The following PLAGL1 variants were observed in gnomAD, a reference collection of about 807,000 sequenced individuals.
The protein encoded by PLAGL1 is zinc finger protein PLAGL1.
In PLAGL1, 1 loss-of-function variant was observed where a neutral mutation model predicts 4.6. The ratio of observed to expected loss-of-function variants is 0.22; its 90% CI spans 0.08 to 1.03. PLAGL1 has a LOEUF of 1.03. Ranked by LOEUF, PLAGL1 falls within the 50% of genes least tolerant of loss-of-function variation. The pLI is 0.58. For synonymous variants in PLAGL1, 240 were observed against 237.8 expected, an observed-to-expected ratio of 1.01 and a Z score of -0.08; for missense variants, 464 against 570.4, an observed-to-expected ratio of 0.81 and a Z score of 1.90.
Position 144,004,661 on chromosome 6 carries a change from G to T in PLAGL1, c.-584+3429C>A, listed in dbSNP as rs182818574. The stretch of plus-strand genomic sequence containing the variant: ...GTTTATCTGGGTAGTAATCACAAAG[G>T]TATACACATATGTAAATTTCACCAA... On this transcript the variant is annotated intron_variant, in intron 1 of 7. Transcript: ENST00000674357. The surrounding 1 kb of genome is among the most constrained non-coding windows in gnomAD (Gnocchi z 4.2). 6.4e-4 allele frequency among the ~76,000 whole-genome samples: 97 copies of T among 152,108 alleles called. No homozygotes were observed. The highest frequency in any genetic ancestry group is 6.3e-3 in the Admixed American group (96 of 15,266).
chr6:144,051,495 T>G (rs551963277), intron 1 of PLAGL1, among the ~76,000 whole-genome samples: 2 of 152,368 alleles, frequency 1.3e-5, no homozygotes, highest in South Asian at 4.1e-4. Context: ...TCTTATTGGA[T>G]GCCCTTTAAA....
At chr6:143,974,910 G>A (rs770702350) in intron 2 of PLAGL1, among the ~76,000 whole-genome samples, 1 of 152,110 alleles carries the variant, frequency 6.6e-6, no homozygotes, top group Non-Finnish European at 1.5e-5. Context: ...ACTACTGAAA[G>A]AAAGTCTTTG....
Position 144,053,195 on chromosome 6 carries a change from C to T in PLAGL1, c.-151+11273G>A, listed in dbSNP as rs541107161. ...TGTCGCCCAGGCTGGAGTGCAGTGGCGCAATTTTGGCTTACTGCAACCTCT... is the reference window on the plus strand; with the variant it reads ...TGTCGCCCAGGCTGGAGTGCAGTGGTGCAATTTTGGCTTACTGCAACCTCT... On this transcript the variant is annotated intron_variant, in intron 1 of 3. Transcript: ENST00000437412. The surrounding 1 kb of genome is among the most constrained non-coding windows in gnomAD (Gnocchi z 4.0). 8.5e-5 allele frequency among the ~76,000 whole-genome samples: 13 copies of T among 152,242 alleles called. No homozygotes were observed. Among genetic ancestry groups the T allele is most frequent in the African/African-American group, 2.2e-4 (9 of 41,546 alleles).
At chr6:144,007,946 G>A (rs1045715750) in intron 1 of PLAGL1, 144 bp downstream of exon 1, 1 of 151,914 alleles carries the variant, frequency 6.6e-6, no homozygotes, top group African/African-American at 2.4e-5. Context: ...CGGCCCCGCG[G>A]AGCCCGGACC....
At position 143,940,752 on chromosome 6, in the gene PLAGL1, T is replaced by G. The variant is rs1041533397; in HGVS notation, c.*672A>C. The stretch of plus-strand genomic sequence containing the variant: ...TGATTTTTTTTTTTTTTCTGTCAGA[T>G]GTAACTGACAACCAGTTTAGTCTTT... On this transcript the variant is annotated 3_prime_UTR_variant, in exon 8 of 8. Transcript: ENST00000674357. The G allele has an allele frequency of 2.0e-5, 3 of 151,392 alleles. No homozygotes were observed. Among genetic ancestry groups the G allele is most frequent in the Admixed American group, 1.3e-4 (2 of 15,108 alleles). The allele number at this position is 151,392 out of a possible 1,614,324, so 9.4% of individuals were successfully genotyped here.
chr6:144,041,472 G>T (rs531769384), intron 1 of PLAGL1, among the ~76,000 whole-genome samples: 98 of 152,140 alleles, frequency 6.4e-4, no homozygotes, highest in Non-Finnish European at 1.1e-3. Flanking sequence ...TCAGAATGAT[G>T]GTTTCCAGCT....
In PLAGL1 at chr6:144,016,870, TCTG is replaced by T. The variant is rs1470125571; in HGVS notation, c.-151+47595_-151+47597del. ...CAGCAATTTGAATTAGAATTGACCT[TCTG>T]CTGTTTTTTTTGTTGTGAGCTTTTT... On this transcript the variant is annotated intron_variant, in intron 1 of 3. Transcript: ENST00000437412. This position sits in a 1 kb window ranked among gnomAD's most constrained non-coding sequence, Gnocchi z 4.2. Among the ~76,000 whole-genome samples, 2 of 152,210 alleles carry T rather than the reference TCTG, an allele frequency of 1.3e-5. No homozygotes were observed. The highest frequency in any genetic ancestry group is 1.5e-5 in the Non-Finnish European group (1 of 68,034).
intron 1 of PLAGL1, among the ~76,000 whole-genome samples, chr6:144,057,010 T>C (rs1691089399): frequency 1.3e-5 from 2 of 152,170 alleles, no homozygotes; most frequent in Non-Finnish European, 2.9e-5. Context: ...TGTTAATCCA[T>C]TCACCTACTG....
chr6:143,959,546 G>T lies in PLAGL1; in HGVS notation c.-325+923C>A, dbSNP rs1782901647. Among the ~76,000 whole-genome samples, 2 of 151,990 alleles carry T rather than the reference G, an allele frequency of 1.3e-5. No homozygotes were observed. The highest frequency in any genetic ancestry group is 4.8e-5 in the African/African-American group (2 of 41,414). ...AATCCAAATATTTAGTGACAATATT[G>T]TATTTCAGTAGGAGTCGGAATACTA... On this transcript the variant is annotated intron_variant, in intron 6 of 7. Coordinates refer to ENST00000674357, the MANE Select transcript of PLAGL1 (RefSeq NM_001317162.2). The surrounding 1 kb of genome is among the most constrained non-coding windows in gnomAD (Gnocchi z 5.3).
rs923322749 is a variant in PLAGL1 at position 143,982,961 on chromosome 6, G to C, written c.-544+2174C>G. Among the ~76,000 whole-genome samples the C allele has an allele frequency of 2.6e-5, 4 of 152,178 alleles. No individual in the cohort carries two copies. The East Asian group carries it at 5.8e-4, about 22-fold the overall frequency. On this transcript the variant is annotated intron_variant, in intron 2 of 7. Transcript: ENST00000674357. This position sits in a 1 kb window ranked among gnomAD's most constrained non-coding sequence, Gnocchi z 5.3. ...AGAGGTCCATACTGGAGACAATTTAGTAGCTGCCAGCATATATGTATTTAA... is the reference window on the plus strand; with the variant it reads ...AGAGGTCCATACTGGAGACAATTTACTAGCTGCCAGCATATATGTATTTAA...
intron 1 of PLAGL1, among the ~76,000 whole-genome samples, chr6:144,054,773 A>AAG (rs1463484502): frequency 3.8e-4 from 39 of 103,844 alleles, no homozygotes; most frequent in African/African-American, 1.5e-3. Context: ...AAAACTAAAA[A>AAG]AGAGTGTGTG....
chr6:143,966,984 A>T lies in PLAGL1; in HGVS notation c.-471-786T>A, dbSNP rs1345131744. ...ATGCAGCATGCATACTCTACTTAAT[A>T]CTAGGTTGTGTTCCTACAGTTAGTT... On this transcript the variant is annotated intron_variant, in intron 3 of 7. Coordinates refer to ENST00000674357, the MANE Select transcript of PLAGL1 (RefSeq NM_001317162.2). This position sits in a 1 kb window ranked among gnomAD's most constrained non-coding sequence, Gnocchi z 6.0. 2 of 152,208 alleles carry T rather than the reference A, an allele frequency of 1.3e-5. No homozygotes were observed. The highest frequency in any genetic ancestry group is 4.1e-4 in the South Asian group (2 of 4,832). 9.4% of individuals were successfully genotyped at this position (152,208 alleles called of 1,614,324 possible).
intron 1 of PLAGL1, among the ~76,000 whole-genome samples, chr6:144,025,021 C>G (rs1019222595): frequency 1.3e-5 from 2 of 152,248 alleles, no homozygotes; most frequent in Admixed American, 1.3e-4. Context: ...CATGTACAGC[C>G]CTCCTTCCAA....
chr6:143,998,903 G>T (rs76974282), intron 1 of PLAGL1, among the ~76,000 whole-genome samples: 1 of 152,024 alleles, frequency 6.6e-6, no homozygotes, highest in Non-Finnish European at 1.5e-5. Context: ...TTGAGAAATC[G>T]GAGAAGGCCA....
rs193216247 is a variant in PLAGL1 at position 143,954,158 on chromosome 6, G to C, written c.-324-5698C>G. 7.2e-4 allele frequency among the ~76,000 whole-genome samples: 110 copies of C among 152,230 alleles called. 2 individuals are homozygous for C. Among genetic ancestry groups the C allele is most frequent in the East Asian group, 3.9e-4 (2 of 5,168 alleles). On this transcript the variant is annotated intron_variant, in intron 6 of 7. Transcript: ENST00000674357. The surrounding 1 kb of genome is among the most constrained non-coding windows in gnomAD (Gnocchi z 5.1). ...CCACCTTACCCTATACAAGGCCCCA[G>C]CTGACAAGCCCCACCTAAGTATACA...
rs1014967581 is a variant in PLAGL1 at position 144,039,372 on chromosome 6, G to T, written c.-151+25096C>A. 3.3e-5 allele frequency among the ~76,000 whole-genome samples: 5 copies of T among 152,068 alleles called. No individual in the cohort carries two copies. The highest frequency in any genetic ancestry group is 1.2e-4 in the African/African-American group (5 of 41,392). On this transcript the variant is annotated intron_variant, in intron 1 of 3. Coordinates refer to the PLAGL1 transcript ENST00000437412. The surrounding 1 kb of genome is among the most constrained non-coding windows in gnomAD (Gnocchi z 4.1). ...GGCAGAAGTGGGTGGATCATTAGAGGCCCAAAGTTTGAAACCAGTCTGGCC... is the reference window on the plus strand; with the variant it reads ...GGCAGAAGTGGGTGGATCATTAGAGTCCCAAAGTTTGAAACCAGTCTGGCC...
rs868237056 is a variant in PLAGL1 at position 143,950,135 on chromosome 6, G to A, written c.-324-1675C>T. On this transcript the variant is annotated intron_variant, in intron 6 of 7. Coordinates refer to ENST00000674357, the MANE Select transcript of PLAGL1 (RefSeq NM_001317162.2). The surrounding 1 kb of genome is among the most constrained non-coding windows in gnomAD (Gnocchi z 6.3). ...CACTTGGAAACGTGAAAGCTGACTC[G>A]GGCACTTTTGGTCAGCGCTAATCCA... Among the ~76,000 whole-genome samples the A allele has an allele frequency of 7.9e-5, 12 of 152,210 alleles. No individual in the cohort carries two copies. The East Asian group carries it at 1.2e-3, about 15-fold the overall frequency.
In PLAGL1 at chr6:143,952,605, G is replaced by A. The variant is rs1332108079; in HGVS notation, c.-324-4145C>T. Among the ~76,000 whole-genome samples, 1 of 152,180 alleles carries A rather than the reference G, an allele frequency of 6.6e-6. No homozygotes were observed. The highest frequency in any genetic ancestry group is 1.5e-5 in the Non-Finnish European group (1 of 68,030). ...TATATATATGGTAACAGCCAGGAAA[G>A]ACTGTGTTCCCAGGGGACAGGGGTA... On this transcript the variant is annotated intron_variant, in intron 6 of 7. Transcript: ENST00000674357. The surrounding 1 kb of genome is among the most constrained non-coding windows in gnomAD (Gnocchi z 6.1).
chr6:144,028,387 T>C (rs958033714), intron 1 of PLAGL1, among the ~76,000 whole-genome samples: 3 of 152,202 alleles, frequency 2.0e-5, no homozygotes, highest in African/African-American at 7.2e-5. Flanking sequence ...TGGTTGCATT[T>C]TACTGTGTGT....
Sources: gnomAD v4.1 joint callset for allele counts (sites outside exome capture counted in the v4.1 genomes callset) on GRCh38, gnomAD v4.1.1 for gene constraint, Gnocchi (gnomAD v3.1) non-coding constraint, MANE v1.5 for transcripts, NCBI Gene and HGNC (gene_info 2026-07-23, HGNC 2026-07-21) for gene names.